The following CXCL17 variants were observed in gnomAD, a reference collection of about 807,000 sequenced individuals.
The protein encoded by CXCL17 is C-X-C motif chemokine 17.
In CXCL17, 9 loss-of-function variants were observed where a neutral mutation model predicts 15.5. The observed-to-expected ratio is 0.58, with a 90% CI of 0.35 to 1.01. CXCL17 has a LOEUF of 1.01. Among genes scored for constraint, CXCL17 ranks in the 50% least tolerant of loss-of-function variants. The pLI is 0.02. For missense variants in CXCL17, 133 were observed against 138.2 expected, an observed-to-expected ratio of 0.96 and a Z score of 0.19; for synonymous variants, 52 against 52.3, an observed-to-expected ratio of 0.99 and a Z score of 0.02.
rs184041359 is a variant in CXCL17 at position 42,441,604 on chromosome 19, G to A, written c.79+1150C>T. Among the ~76,000 whole-genome samples the A allele has an allele frequency of 9.9e-5, 15 of 152,240 alleles. 1 individual carries two copies. In the East Asian group the frequency reaches 1.7e-3, roughly 18 times the overall value. ...GCTATGGGGCTTAACAGCTTCCAGA[G>A]CACTCTCTCTACAAAGGAGGGGATG... On this transcript the variant is annotated intron_variant, in intron 1 of 3. Transcript: ENST00000601181.
At chr19:42,433,336 A>G (rs926111482) in intron 2 of CXCL17, among the ~76,000 whole-genome samples, 3 of 152,202 alleles carry the variant, frequency 2.0e-5, no homozygotes, top group Non-Finnish European at 4.4e-5. Context: ...GCATCAGAAT[A>G]TCATTACTCC....
In CXCL17 at chr19:42,428,716, G is replaced by T; in HGVS notation, c.*168C>A. The T allele has an allele frequency of 1.5e-6, 1 of 662,532 alleles. No individual in the cohort carries two copies. The highest frequency in any genetic ancestry group is 2.7e-6 in the Non-Finnish European group (1 of 366,898). 41.0% of individuals were successfully genotyped at this position (662,532 alleles called of 1,614,324 possible). ...TGACGAGAGAAGAAGACACTAGAGA[G>T]AGCAACAAACAAAATGATCTTGAAA... is the stretch of plus-strand genomic sequence containing the variant. On this transcript the variant is annotated 3_prime_UTR_variant, in exon 4 of 4. Coordinates refer to ENST00000601181, the MANE Select transcript of CXCL17 (RefSeq NM_198477.3).
rs2147686662 is a variant in CXCL17 at position 42,428,773 on chromosome 19, AG to A, written c.*110del. On this transcript the variant is annotated 3_prime_UTR_variant, in exon 4 of 4. Coordinates refer to ENST00000601181, the MANE Select transcript of CXCL17 (RefSeq NM_198477.3). ...CTTTTTGAGAGCACTGGAATGATTT[AG>A]GGGTGGGTACAGTGGGAGAGTGAGG... The A allele has an allele frequency of 1.3e-6, 1 of 793,758 alleles. No individual in the cohort carries two copies. Among genetic ancestry groups the A allele is most frequent in the Non-Finnish European group, 2.2e-6 (1 of 450,148 alleles). 49.2% of individuals were successfully genotyped at this position (793,758 alleles called of 1,614,324 possible).
chr19:42,440,476 C>T (rs1214568429), intron 1 of CXCL17, among the ~76,000 whole-genome samples: 3 of 152,172 alleles, frequency 2.0e-5, no homozygotes, highest in Non-Finnish European at 2.9e-5. Context: ...GATTTGAGCC[C>T]GGCCGCCACC....
rs1319702703 is a variant in CXCL17, at chr19:42,442,741, C to T, written c.79+13G>A. 2 of 1,598,342 alleles carry T rather than the reference C, an allele frequency of 1.3e-6. No individual in the cohort carries two copies. Among genetic ancestry groups the T allele is most frequent in the Admixed American group, 1.7e-5 (1 of 59,908 alleles). Reference sequence around the variant, plus strand: ...CTCCCCCCGTTTTCCCCTTCATAGACAGTCTTGTTTACCTGGATTCAGGCT... The same window carrying T: ...CTCCCCCCGTTTTCCCCTTCATAGATAGTCTTGTTTACCTGGATTCAGGCT... On this transcript the variant is annotated intron_variant, in intron 1 of 3. Coordinates refer to ENST00000601181, the MANE Select transcript of CXCL17 (RefSeq NM_198477.3).
At chr19:42,431,120 A>G (rs2040776368) in intron 3 of CXCL17, among the ~76,000 whole-genome samples, 1 of 152,210 alleles carries the variant, frequency 6.6e-6, no homozygotes, top group South Asian at 2.1e-4. Context: ...GATTACAGGC[A>G]TGAACCACTG....
At position 42,433,774 on chromosome 19, in the gene CXCL17, A is replaced by C. The variant is rs1269378690; in HGVS notation, c.160+2T>G. The C allele has an allele frequency of 6.2e-7, 1 of 1,613,268 alleles. No individual in the cohort carries two copies. Among genetic ancestry groups the C allele is most frequent in the African/African-American group, 1.3e-5 (1 of 74,860 alleles). ...CGCTGTTGTTGTTGCTGAATTACTG[A>C]CCTTTGCACTCACATTCTTGGCCGC... On this transcript the variant is annotated splice_donor_variant, in intron 2 of 3. Transcript: ENST00000601181. LOFTEE classifies it high-confidence loss of function.
At position 42,428,971 on chromosome 19, in the gene CXCL17, C is replaced by A; in HGVS notation, c.273G>T (p.Arg91Ser). 6.2e-7 allele frequency: 1 copy of A among 1,613,642 alleles called. No homozygotes were observed. The highest frequency in any genetic ancestry group is 1.1e-5 in the South Asian group (1 of 91,072). The change falls in exon 4 of 4, where the codon AGG becomes AGT. Residue 91 changes from arginine (R) to serine (S), a missense_variant. Coordinates refer to ENST00000601181, the MANE Select transcript of CXCL17 (RefSeq NM_198477.3). ...KGNVKKTRHQ[R>S]HHRKPNKHSR... is the part of the protein sequence containing the mutation. ...AATGCTTGTTTGGCTTTCTGTGGTG[C>A]CTTTGGTGTCCTAGGGTGCAAATAA...
intron 1 of CXCL17, among the ~76,000 whole-genome samples, chr19:42,442,000 A>G (rs761643676): frequency 1.7e-4 from 26 of 152,164 alleles, no homozygotes; most frequent in Non-Finnish European, 2.5e-4. Flanking sequence ...AGTGCACTGT[A>G]AAGAATAGAA....
Position 42,433,814 on chromosome 19 carries a change from C to A in CXCL17, c.122G>T (p.Arg41Ile). The change falls in exon 2 of 4, where the codon AGA becomes ATA. Residue 41 changes from arginine to isoleucine, a missense_variant. Transcript: ENST00000601181. ...GHRDRGQASR[R>I]WLQEGGQECE... ...TTCTTGGCCGCCTTCCTGGAGCCATCTCCTAGAAGCCTGGCCTCGGTCCCT... is the reference window on the plus strand; with the variant it reads ...TTCTTGGCCGCCTTCCTGGAGCCATATCCTAGAAGCCTGGCCTCGGTCCCT... 6.2e-7 allele frequency: 1 copy of A among 1,614,122 alleles called. No individual in the cohort carries two copies. Among genetic ancestry groups the A allele is most frequent in the African/African-American group, 1.3e-5 (1 of 75,062 alleles).
At chr19:42,430,543 G>A (rs1173599303) in intron 3 of CXCL17, among the ~76,000 whole-genome samples, 1 of 149,210 alleles carries the variant, frequency 6.7e-6, no homozygotes, top group Admixed American at 6.7e-5. Context: ...GCAGTGAGCC[G>A]AGATTGCGCT....
At chr19:42,440,255 T>C (rs2147704680) in intron 1 of CXCL17, among the ~76,000 whole-genome samples, 1 of 152,278 alleles carries the variant, frequency 6.6e-6, no homozygotes. Flanking sequence ...TTAAGTAATT[T>C]ATTTCCTAAT....
chr19:42,435,328 T>C (rs771077033), intron 1 of CXCL17, among the ~76,000 whole-genome samples: 9 of 152,168 alleles, frequency 5.9e-5, no homozygotes, highest in Non-Finnish European at 1.2e-4. Flanking sequence ...ATGGTTCCCA[T>C]TGTTGTTGAA....
intron 1 of CXCL17, among the ~76,000 whole-genome samples, chr19:42,441,701 A>G (rs2040893740): frequency 6.6e-6 from 1 of 152,200 alleles, no homozygotes; most frequent in Non-Finnish European, 1.5e-5. Context: ...TATGTAACAT[A>G]GCCATTTCAC....
chr19:42,435,716 G>A (rs1754844590), intron 1 of CXCL17, among the ~76,000 whole-genome samples: 1 of 151,866 alleles, frequency 6.6e-6, no homozygotes, highest in Non-Finnish European at 1.5e-5. Flanking sequence ...TGTAGTCCCA[G>A]CTACTTGGAA....
At chr19:42,430,801 A>G (rs2040772046) in intron 3 of CXCL17, among the ~76,000 whole-genome samples, 2 of 151,812 alleles carry the variant, frequency 1.3e-5, no homozygotes, top group Admixed American at 1.3e-4. Flanking sequence ...AACTTTATGT[A>G]TATATTATGG....
At chr19:42,433,894 A>C (rs765853474) in intron 1 of CXCL17, 38 bp from the exon 2 acceptor site, 1 of 1,512,672 alleles carries the variant, frequency 6.6e-7, no homozygotes, top group Non-Finnish European at 9.2e-7. Context: ...GACACTGGAA[A>C]GGGCACAGAA....
intron 1 of CXCL17, among the ~76,000 whole-genome samples, chr19:42,438,411 ACAC>A (rs2040859069): frequency 1.8e-5 from 1 of 55,230 alleles, no homozygotes; most frequent in Admixed American, 2.6e-4. Context: ...TATATAAAAT[ACAC>A]ACACACACAC....
At chr19:42,440,822 T>A (rs956328757) in intron 1 of CXCL17, among the ~76,000 whole-genome samples, 1 of 152,132 alleles carries the variant, frequency 6.6e-6, no homozygotes, top group South Asian at 2.1e-4. Flanking sequence ...AGTATTGGTG[T>A]AGAGCAGTGG....
Sources: gnomAD v4.1 joint callset for allele counts (sites outside exome capture counted in the v4.1 genomes callset) on GRCh38, gnomAD v4.1.1 for gene constraint, MANE v1.5 for transcripts, NCBI Gene and HGNC (gene_info 2026-07-23, HGNC 2026-07-21) for gene names.